The following SNTG1 variants were observed in gnomAD, a reference collection of about 807,000 sequenced individuals.
SNTG1 encodes the protein syntrophin gamma 1, also known as gamma-1-syntrophin.
Under a neutral mutation model 74.7 loss-of-function variants are expected in SNTG1, and 39 were observed. The observed-to-expected ratio is 0.52, with a 90% CI of 0.40 to 0.68. The LOEUF is 0.68. SNTG1 is among the 30% of genes least tolerant of loss of function. The probability of loss-of-function intolerance (pLI) is 0.00; values close to 1 mark genes in which losing one functional copy is unlikely to be tolerated. For missense variants in SNTG1, 685 were observed against 609.5 expected, an observed-to-expected ratio of 1.12 and a Z score of -1.30; for synonymous variants, 254 against 217.1, an observed-to-expected ratio of 1.17 and a Z score of -1.49.
intron 1 of SNTG1, among the ~76,000 whole-genome samples, chr8:49,925,680 G>A (rs1806957681): frequency 6.6e-6 from 1 of 152,120 alleles, no homozygotes; most frequent in South Asian, 2.1e-4. Flanking sequence ...TTACATAAAT[G>A]GAATCATATG....
chr8:50,198,147 C>T (rs891690740), intron 2 of SNTG1, among the ~76,000 whole-genome samples: 22 of 152,006 alleles, frequency 1.4e-4, no homozygotes, highest in Non-Finnish European at 7.4e-5. Context: ...TCCCATTTGC[C>T]GCCCCTCAGC....
chr8:50,059,078 T>C (rs1820263889), intron 1 of SNTG1, among the ~76,000 whole-genome samples: 1 of 152,180 alleles, frequency 6.6e-6, no homozygotes, highest in South Asian at 2.1e-4. Flanking sequence ...ATATCAACAG[T>C]TCATTCATTT....
intron 2 of SNTG1, among the ~76,000 whole-genome samples, chr8:50,175,896 G>T (rs2131679974): frequency 6.6e-6 from 1 of 151,738 alleles, no homozygotes; most frequent in South Asian, 2.1e-4. Flanking sequence ...GCTCATATTT[G>T]CCCACATTTA....
At chr8:49,915,126 C>T (rs1434237250) in intron 1 of SNTG1, 2 of 152,154 alleles carry the variant, frequency 1.3e-5, no homozygotes, top group African/African-American at 4.8e-5. Context: ...CTACAAGTCA[C>T]TCAATCCACT....
Position 49,985,111 on chromosome 8 carries a change from T to C in SNTG1, c.-103+72880T>C, listed in dbSNP as rs888746046. Among the ~76,000 whole-genome samples, 6 of 152,274 alleles carry C rather than the reference T, an allele frequency of 3.9e-5. No individual in the cohort carries two copies. In the South Asian group the frequency reaches 1.0e-3, roughly 26 times the overall value. Reference sequence around the variant, plus strand: ...AAGTTTCAGAGGCACAAAGTGATGGTTGAAATATACTGAACATGTTTTAAA... The same window carrying C: ...AAGTTTCAGAGGCACAAAGTGATGGCTGAAATATACTGAACATGTTTTAAA... On this transcript the variant is annotated intron_variant, in intron 1 of 18. Coordinates refer to ENST00000642720, the MANE Select transcript of SNTG1 (RefSeq NM_018967.5).
At chr8:50,757,236 A>G (rs11776122) in intron 18 of SNTG1, among the ~76,000 whole-genome samples, 33,226 of 151,576 alleles carry the variant, frequency 0.22, 3,796 homozygotes, top group South Asian at 0.33. Context: ...TAGCCTGTTG[A>G]TTTGATGTAA....
chr8:50,243,993 T>C (rs1050464893), intron 2 of SNTG1, among the ~76,000 whole-genome samples: 10 of 152,062 alleles, frequency 6.6e-5, no homozygotes, highest in African/African-American at 2.4e-4. Flanking sequence ...TGAGACTGGG[T>C]GATTTATAAA....
At chr8:50,765,684 T>A (rs563480070) in intron 18 of SNTG1, among the ~76,000 whole-genome samples, 1 of 152,132 alleles carries the variant, frequency 6.6e-6, no homozygotes, top group African/African-American at 2.4e-5. Flanking sequence ...TTACTCTGAT[T>A]GTTAGTTTCT....
At chr8:50,084,638 T>G (rs1181948536) in intron 1 of SNTG1, among the ~76,000 whole-genome samples, 1 of 152,196 alleles carries the variant, frequency 6.6e-6, no homozygotes, top group Non-Finnish European at 1.5e-5. Context: ...AACATCTCTC[T>G]CATTGCAATA....
chr8:50,598,220 A>C (rs1024759291), intron 13 of SNTG1, among the ~76,000 whole-genome samples: 15 of 151,876 alleles, frequency 9.9e-5, no homozygotes, highest in Non-Finnish European at 2.9e-5. Flanking sequence ...TTAAAGTTCA[A>C]GTCTTACTTA....
At chr8:50,331,711 T>C (rs79634732) in intron 2 of SNTG1, among the ~76,000 whole-genome samples, 9,897 of 152,156 alleles carry the variant, frequency 0.065, 347 homozygotes, top group African/African-American at 0.071. Flanking sequence ...TGCTTGCTGG[T>C]ATAGAGAAGG....
chr8:50,143,123 A>G (rs968809637), intron 1 of SNTG1, among the ~76,000 whole-genome samples: 9 of 152,114 alleles, frequency 5.9e-5, no homozygotes, highest in African/African-American at 1.9e-4. Context: ...AATAAAGTCC[A>G]TAGTGTCTCC....
chr8:49,912,556 C>T (rs993920042), intron 1 of SNTG1, among the ~76,000 whole-genome samples: 2 of 152,056 alleles, frequency 1.3e-5, no homozygotes, highest in South Asian at 4.1e-4. Context: ...CTTATGTATG[C>T]CATAAAAAGT....
chr8:50,216,354 T>A lies in SNTG1; in HGVS notation c.-28+43719T>A, dbSNP rs528985154. ...GTCTTTTACTCAACTTCTTTTGAAA[T>A]GTAGAACTATCTTTTCAGTAAGATA... On this transcript the variant is annotated intron_variant, in intron 2 of 18. Transcript: ENST00000642720. Among the ~76,000 whole-genome samples, 34 of 152,364 alleles carry A rather than the reference T, an allele frequency of 2.2e-4. 1 individual carries two copies. In the South Asian group the frequency reaches 7.0e-3, roughly 32 times the overall value.
At chr8:50,531,282 T>A (rs929360307) in intron 10 of SNTG1, among the ~76,000 whole-genome samples, 5 of 152,016 alleles carry the variant, frequency 3.3e-5, no homozygotes, top group African/African-American at 9.7e-5. Context: ...GGATATTTTC[T>A]AAAACCATCT....
In SNTG1 at chr8:50,481,606, C is replaced by T. The variant is rs576377496; in HGVS notation, c.364-21172C>T. ...TAACTGTTCTATGTTAAGAAAAGCACTGAGATTGCATTTTAAGGACAAGAG... is the reference window on the plus strand; with the variant it reads ...TAACTGTTCTATGTTAAGAAAAGCATTGAGATTGCATTTTAAGGACAAGAG... On this transcript the variant is annotated intron_variant, in intron 8 of 18. Coordinates refer to ENST00000642720, the MANE Select transcript of SNTG1 (RefSeq NM_018967.5). Among the ~76,000 whole-genome samples, 23 of 152,250 alleles carry T rather than the reference C, an allele frequency of 1.5e-4. 1 individual carries two copies. In the South Asian group the frequency reaches 4.8e-3, roughly 32 times the overall value.
At position 50,313,422 on chromosome 8, in the gene SNTG1, G is replaced by A. The variant is rs577012767; in HGVS notation, c.-27-80790G>A. Among the ~76,000 whole-genome samples the A allele has an allele frequency of 1.8e-4, 27 of 149,736 alleles. 6 individuals carry two copies. The highest frequency in any genetic ancestry group is 6.5e-4 in the African/African-American group (26 of 40,130). ...ATATTTGCAAATTGTATGCTGATAA[G>A]GGGTTAATATTCAAAATATGGCAGG... On this transcript the variant is annotated intron_variant, in intron 2 of 18. Coordinates refer to ENST00000642720, the MANE Select transcript of SNTG1 (RefSeq NM_018967.5).
At chr8:49,921,121 T>A (rs2129343452) in intron 1 of SNTG1, among the ~76,000 whole-genome samples, 1 of 152,200 alleles carries the variant, frequency 6.6e-6, no homozygotes, top group East Asian at 1.9e-4. Context: ...AAGTGGAGAT[T>A]ACTGCTAAAG....
intron 9 of SNTG1, among the ~76,000 whole-genome samples, chr8:50,515,860 G>T (rs893450951): frequency 6.6e-6 from 1 of 152,060 alleles, no homozygotes; most frequent in Non-Finnish European, 1.5e-5. Context: ...GGGGGAAGGG[G>T]CGGCTGTGGG....
Sources: gnomAD v4.1 joint callset for allele counts (sites outside exome capture counted in the v4.1 genomes callset) on GRCh38, gnomAD v4.1.1 for gene constraint, MANE v1.5 for transcripts, NCBI Gene and HGNC (gene_info 2026-07-23, HGNC 2026-07-21) for gene names.